DCC: variants seen among roughly 807,000 people sequenced by gnomAD.
The protein encoded by DCC is DCC netrin 1 receptor, also known as netrin receptor DCC.
Under a neutral mutation model 172.5 loss-of-function variants are expected in DCC, and 58 were observed. The ratio of observed to expected loss-of-function variants is 0.34; its 90% CI spans 0.27 to 0.42. The LOEUF (loss-of-function observed/expected upper bound fraction) is 0.42, where lower values mean the gene tolerates loss of function less well. DCC is among the 10% of genes least tolerant of loss of function. The pLI is 1.00. For synonymous variants in DCC, 709 were observed against 644.5 expected, an observed-to-expected ratio of 1.10 and a Z score of -1.52; for missense variants, 1,740 against 1,791.0, an observed-to-expected ratio of 0.97 and a Z score of 0.51.
chr18:53,296,992 G>A lies in DCC; in HGVS notation c.1912-8586G>A, dbSNP rs188634771. Among the ~76,000 whole-genome samples, 262 of 152,272 alleles carry A rather than the reference G, an allele frequency of 1.7e-3. 1 individual carries two copies. Among genetic ancestry groups the A allele is most frequent in the Admixed American group, 3.3e-3 (50 of 15,294 alleles). Reference sequence around the variant, plus strand: ...GACTGTGTTTGACGAGGATCAAAATGGGTTTGTCTTCACCTGAAGGTCACT... The same window carrying A: ...GACTGTGTTTGACGAGGATCAAAATAGGTTTGTCTTCACCTGAAGGTCACT... On this transcript the variant is annotated intron_variant, in intron 12 of 28. Transcript: ENST00000442544.
At position 52,540,797 on chromosome 18, in the gene DCC, G is replaced by A. The variant is rs1323870765; in HGVS notation, c.91+199919G>A. On this transcript the variant is annotated intron_variant, in intron 1 of 28. Coordinates refer to ENST00000442544, the MANE Select transcript of DCC (RefSeq NM_005215.4). ...AATTTTTTGTATTTTTAGTAGAGAC[G>A]GGGTTTCACTGTGTTAGTCAGGATG... is the stretch of plus-strand genomic sequence containing the variant. 3.3e-5 allele frequency among the ~76,000 whole-genome samples: 5 copies of A among 151,538 alleles called. No individual in the cohort carries two copies. In the East Asian group the frequency reaches 7.8e-4, roughly 24 times the overall value.
chr18:52,930,286 A>T lies in DCC; in HGVS notation c.985+4916A>T, dbSNP rs147886597. ...AACCTTCAGCTTTATATTGTGGAAC[A>T]TTATCATGTTTCTTAGTTTTAATTA... On this transcript the variant is annotated intron_variant, in intron 5 of 28. Transcript: ENST00000442544. 7.6e-3 allele frequency among the ~76,000 whole-genome samples: 1,156 copies of T among 152,086 alleles called. 5 individuals are homozygous for T. The highest frequency in any genetic ancestry group is 0.016 in the Admixed American group (247 of 15,250).
intron 1 of DCC, among the ~76,000 whole-genome samples, chr18:52,490,767 G>C (rs1346443878): frequency 6.6e-6 from 1 of 151,454 alleles, no homozygotes; most frequent in East Asian, 1.9e-4. Flanking sequence ...ATTTGTTTTG[G>C]GGTATTAGGG....
intron 11 of DCC, among the ~76,000 whole-genome samples, chr18:53,211,679 G>T (rs558609549): frequency 6.6e-6 from 1 of 151,712 alleles, no homozygotes; most frequent in Non-Finnish European, 1.5e-5. Context: ...AGCCGAGATC[G>T]TGCCTCTGCA....
At position 52,744,370 on chromosome 18, in the gene DCC, A is replaced by C. The variant is rs189210568; in HGVS notation, c.92-7684A>C. 2.1e-3 allele frequency among the ~76,000 whole-genome samples: 320 copies of C among 152,256 alleles called. 3 individuals carry two copies. The highest frequency in any genetic ancestry group is 7.3e-3 in the African/African-American group (305 of 41,558). ...CTTCCCTATATTTTAATGATCCTTA[A>C]TAAATTCCCATAGTAAAATGTATAT... On this transcript the variant is annotated intron_variant, in intron 1 of 28. Transcript: ENST00000442544.
At chr18:52,585,819 C>A (rs1260671685) in intron 1 of DCC, among the ~76,000 whole-genome samples, 1 of 152,176 alleles carries the variant, frequency 6.6e-6, no homozygotes, top group Admixed American at 6.5e-5. Flanking sequence ...CGCGGTGGCT[C>A]ACGCCTGTAA....
intron 21 of DCC, among the ~76,000 whole-genome samples, chr18:53,426,389 A>G (rs1340750554): frequency 7.1e-6 from 1 of 141,392 alleles, no homozygotes; most frequent in African/African-American, 2.5e-5. Context: ...TATATATCAT[A>G]TATATTTATG....
At chr18:53,493,694 T>C (rs2045985395) in intron 26 of DCC, among the ~76,000 whole-genome samples, 1 of 152,182 alleles carries the variant, frequency 6.6e-6, no homozygotes, top group South Asian at 2.1e-4. Flanking sequence ...TCTATTTTGT[T>C]GATCTTTTCA....
intron 15 of DCC, among the ~76,000 whole-genome samples, chr18:53,356,911 TC>T (rs370640666): frequency 3.3e-4 from 51 of 152,304 alleles, no homozygotes; most frequent in African/African-American, 1.2e-3. Flanking sequence ...CTGGAAACTT[TC>T]CATATAATCA....
intron 1 of DCC, among the ~76,000 whole-genome samples, chr18:52,386,152 T>C (rs116450366): frequency 0.035 from 5,254 of 152,146 alleles, 314 homozygotes; most frequent in African/African-American, 0.12. Context: ...ACAGAGGCTC[T>C]GGGAGCCTAA....
chr18:53,401,312 C>G (rs1360833477), intron 18 of DCC, among the ~76,000 whole-genome samples: 2 of 152,116 alleles, frequency 1.3e-5, no homozygotes, highest in Non-Finnish European at 2.9e-5. Context: ...TCTTCTAATT[C>G]TCTTTCTCCA....
chr18:52,648,578 A>G (rs2035062982), intron 1 of DCC, among the ~76,000 whole-genome samples: 2 of 152,358 alleles, frequency 1.3e-5, no homozygotes, highest in African/African-American at 2.4e-5. Context: ...GAAAAAGGAC[A>G]TCAGTCCTAA....
At chr18:52,815,250 C>T (rs931823761) in intron 2 of DCC, among the ~76,000 whole-genome samples, 7 of 151,994 alleles carry the variant, frequency 4.6e-5, no homozygotes, top group African/African-American at 1.5e-4. Flanking sequence ...TGTGTTGAAG[C>T]CCTATCCCTC....
At chr18:53,134,490 T>C (rs2043708005) in intron 7 of DCC, among the ~76,000 whole-genome samples, 1 of 152,076 alleles carries the variant, frequency 6.6e-6, no homozygotes, top group Non-Finnish European at 1.5e-5. Context: ...AGCCTTACAC[T>C]GTTCTTAAAT....
intron 5 of DCC, among the ~76,000 whole-genome samples, chr18:53,004,903 A>G (rs1599019916): frequency 6.6e-6 from 1 of 152,208 alleles, no homozygotes; most frequent in African/African-American, 2.4e-5. Flanking sequence ...TTAATCTCCA[A>G]TGCACCAGTG....
intron 1 of DCC, among the ~76,000 whole-genome samples, chr18:52,631,310 A>G (rs545040751): frequency 4.6e-5 from 7 of 152,366 alleles, no homozygotes; most frequent in Non-Finnish European, 8.8e-5. Context: ...AGAAAAAAAA[A>G]TAAAAAACAG....
At chr18:52,597,240 A>G (rs1453602321) in intron 1 of DCC, among the ~76,000 whole-genome samples, 1 of 152,188 alleles carries the variant, frequency 6.6e-6, no homozygotes, top group Admixed American at 6.5e-5. Context: ...TGCTTTGCCA[A>G]ACCTGTCAGA....
At chr18:52,980,944 A>ATT (rs35143538) in intron 5 of DCC, among the ~76,000 whole-genome samples, 15,858 of 145,578 alleles carry the variant, frequency 0.11, 1,072 homozygotes, top group African/African-American at 0.18. Flanking sequence ...ACATACTGCT[A>ATT]TTTTTTTTTT....
In DCC at chr18:52,642,503, C is replaced by T. The variant is rs1432987387; in HGVS notation, c.92-109551C>T. ...ATGTTGTTTTTAAAAATTAAACTTG[C>T]TCTGGGCAAAGACAATTGCTGTCTT... On this transcript the variant is annotated intron_variant, in intron 1 of 28. Coordinates refer to ENST00000442544, the MANE Select transcript of DCC (RefSeq NM_005215.4). Among the ~76,000 whole-genome samples, 5 of 152,040 alleles carry T rather than the reference C, an allele frequency of 3.3e-5. No homozygotes were observed. In the East Asian group the frequency reaches 9.6e-4, roughly 29 times the overall value.
Sources: allele counts gnomAD v4.1 joint callset (sites outside exome capture counted in the v4.1 genomes callset), GRCh38; gene constraint gnomAD v4.1.1; transcripts MANE v1.5; gene names NCBI Gene and HGNC (gene_info 2026-07-23, HGNC 2026-07-21).